The following PARD3 variants were observed in gnomAD, a reference collection of about 807,000 sequenced individuals.
PARD3 encodes the protein partitioning defective 3 homolog.
PARD3 carries 75 observed loss-of-function variants against 155.4 expected under a neutral mutation model. The observed-to-expected ratio is 0.48, with a 90% CI of 0.40 to 0.58. The LOEUF is 0.58. PARD3 is among the 20% of genes least tolerant of loss of function. PARD3 has a pLI of 0.00. For synonymous variants in PARD3, 576 were observed against 610.5 expected (o/e 0.94, Z 0.83); for missense variants, 1,642 against 1,721.7 (o/e 0.95, Z 0.82).
At chr10:34,517,696 C>T (rs750853257) in intron 2 of PARD3, among the ~76,000 whole-genome samples, 14 of 151,834 alleles carry the variant, frequency 9.2e-5, no homozygotes, top group Admixed American at 2.0e-4. Context: ...CTACTACACG[C>T]CCCCCACACA....
At chr10:34,419,854 T>C (rs1279531772) in intron 5 of PARD3, among the ~76,000 whole-genome samples, 1 of 152,216 alleles carries the variant, frequency 6.6e-6, no homozygotes, top group Non-Finnish European at 1.5e-5. Flanking sequence ...AATTAAAACA[T>C]ACAAATTACG....
At chr10:34,248,255 TA>T (rs778665270) in intron 22 of PARD3, among the ~76,000 whole-genome samples, 3 of 139,402 alleles carry the variant, frequency 2.2e-5, no homozygotes, top group Non-Finnish European at 4.5e-5. Context: ...GTCCATATGG[TA>T]AAAAAAAATA....
At chr10:34,663,063 G>C (rs1316077961) in intron 2 of PARD3, among the ~76,000 whole-genome samples, 2 of 152,068 alleles carry the variant, frequency 1.3e-5, no homozygotes, top group Non-Finnish European at 2.9e-5. Flanking sequence ...GCAGGGGAGT[G>C]GAGTTAATGA....
intron 2 of PARD3, among the ~76,000 whole-genome samples, chr10:34,520,278 A>G (rs183511485): frequency 6.6e-6 from 1 of 152,340 alleles, no homozygotes; most frequent in East Asian, 1.9e-4. Flanking sequence ...GCTGACGTAT[A>G]GATAGAATCA....
intron 2 of PARD3, among the ~76,000 whole-genome samples, chr10:34,610,903 G>A (rs1331572998): frequency 1.3e-5 from 2 of 152,150 alleles, no homozygotes; most frequent in Non-Finnish European, 2.9e-5. Context: ...GATGGGGAGA[G>A]GTGGGGGGGA....
At chr10:34,317,085 GT>G (rs1351882568) in intron 20 of PARD3, 21 bp downstream of exon 20, 2 of 1,534,278 alleles carry the variant, frequency 1.3e-6, no homozygotes, top group Non-Finnish European at 1.8e-6. Context: ...GGAGATTCTG[GT>G]TTGGGATGGT....
At chr10:34,175,275 T>C (rs2570328) in intron 22 of PARD3, among the ~76,000 whole-genome samples, 65,814 of 152,038 alleles carry the variant, frequency 0.43, 14,880 homozygotes, top group Non-Finnish European at 0.5. Context: ...ACTCTAAAGA[T>C]AGATATTAAT....
chr10:34,140,844 A>G (rs1246976682), intron 22 of PARD3, among the ~76,000 whole-genome samples: 1 of 152,198 alleles, frequency 6.6e-6, no homozygotes, highest in Non-Finnish European at 1.5e-5. Flanking sequence ...CACATTAATT[A>G]TGCATGCAAA....
intron 10 of PARD3, among the ~76,000 whole-genome samples, chr10:34,375,883 TAAGG>T (rs1478770625): frequency 6.6e-6 from 1 of 152,184 alleles, no homozygotes; most frequent in Non-Finnish European, 1.5e-5. Context: ...GTACTACTAT[TAAGG>T]AATTGCAGAC....
intron 15 of PARD3, among the ~76,000 whole-genome samples, 181 bp from the exon 16 acceptor site, chr10:34,341,997 C>T (rs922568774): frequency 1.3e-5 from 2 of 152,116 alleles, no homozygotes; most frequent in East Asian, 1.9e-4. Flanking sequence ...ACAGAGACCT[C>T]GAGTCTATTA....
chr10:34,743,066 T>G (rs780953532), intron 1 of PARD3, among the ~76,000 whole-genome samples: 3 of 152,242 alleles, frequency 2.0e-5, no homozygotes, highest in Non-Finnish European at 4.4e-5. Context: ...GGCCTAATAG[T>G]ATGCACTGGA....
chr10:34,674,579 C>G (rs1046298378), intron 2 of PARD3, among the ~76,000 whole-genome samples: 1 of 150,750 alleles, frequency 6.6e-6, no homozygotes, highest in Non-Finnish European at 1.5e-5. Flanking sequence ...CTCCGTCTCC[C>G]GGGTTCAAGC....
Position 34,466,960 on chromosome 10 carries a change from A to C in PARD3, c.582+3125T>G, listed in dbSNP as rs187992988. ...TCATTACACATTACTATTTAAGTAT[A>C]TCATATGCGAATATCACTTCATCTA... is the stretch of plus-strand genomic sequence containing the variant. On this transcript the variant is annotated intron_variant, in intron 4 of 24. Transcript: ENST00000374788. Among the ~76,000 whole-genome samples the C allele has an allele frequency of 9.5e-4, 144 of 152,292 alleles. 1 individual carries two copies. Among genetic ancestry groups the C allele is most frequent in the Non-Finnish European group, 8.1e-4 (55 of 68,032 alleles).
intron 2 of PARD3, among the ~76,000 whole-genome samples, chr10:34,562,123 C>CA (rs3041198): frequency 0.03 from 786 of 26,324 alleles, 89 homozygotes; most frequent in East Asian, 0.048. Flanking sequence ...CTGACTGTCT[C>CA]AAAAAAAAAA....
intron 5 of PARD3, among the ~76,000 whole-genome samples, chr10:34,403,546 G>A (rs535286720): frequency 1.8e-4 from 28 of 152,118 alleles, no homozygotes; most frequent in Non-Finnish European, 3.1e-4. Context: ...TTTCCTTTGC[G>A]AATCTATGAG....
chr10:34,749,488 CTATA>C lies in PARD3; in HGVS notation c.121-53073_121-53070del, dbSNP rs1293974478. On this transcript the variant is annotated intron_variant, in intron 1 of 24. Transcript: ENST00000374788. The stretch of plus-strand genomic sequence containing the variant: ...AAAAAATATATAATAAAATAATAAA[CTATA>C]TATAAATTATAACCAGTTTAAAAAA... 1.1e-4 allele frequency among the ~76,000 whole-genome samples: 17 copies of C among 150,910 alleles called. No homozygotes were observed. In the East Asian group the frequency reaches 3.1e-3, roughly 27 times the overall value.
chr10:34,596,422 G>A (rs1000289948), intron 2 of PARD3, among the ~76,000 whole-genome samples: 5 of 152,134 alleles, frequency 3.3e-5, no homozygotes, highest in African/African-American at 1.2e-4. Flanking sequence ...ATTCCACACG[G>A]CTAGGGAGGA....
chr10:34,713,633 T>C (rs888215906), intron 1 of PARD3, among the ~76,000 whole-genome samples: 5 of 151,966 alleles, frequency 3.3e-5, no homozygotes, highest in Admixed American at 1.3e-4. Flanking sequence ...AGGCGTGGTG[T>C]TCTGCACCTG....
intron 1 of PARD3, among the ~76,000 whole-genome samples, chr10:34,749,238 T>C (rs2133936781): frequency 6.6e-6 from 1 of 152,348 alleles, no homozygotes; most frequent in Admixed American, 6.5e-5. Flanking sequence ...AAGTCTTGCA[T>C]GTAGTTAGAT....
Sources: gnomAD v4.1 joint callset for allele counts (sites outside exome capture counted in the v4.1 genomes callset) on GRCh38, gnomAD v4.1.1 for gene constraint, MANE v1.5 for transcripts, NCBI Gene and HGNC (gene_info 2026-07-23, HGNC 2026-07-21) for gene names.